The following LAYN variants were observed in gnomAD, a reference collection of about 807,000 sequenced individuals.
The protein encoded by LAYN is layilin.
Under a neutral mutation model 43.6 loss-of-function variants are expected in LAYN, and 38 were observed. That is an observed-to-expected ratio of 0.87 (90% CI 0.67 to 1.14). The LOEUF (loss-of-function observed/expected upper bound fraction) is 1.14. LAYN is among the 50% of genes most tolerant of loss of function. The pLI, the probability that LAYN is intolerant of heterozygous loss-of-function variation, is 0.00. For missense variants in LAYN, 479 were observed against 463.8 expected (o/e 1.03, Z -0.30); for synonymous variants, 168 against 172.9 (o/e 0.97, Z 0.22).
At chr11:111,547,564 T>C (rs748513330) in intron 2 of LAYN, among the ~76,000 whole-genome samples, 3 of 152,196 alleles carry the variant, frequency 2.0e-5, no homozygotes, top group Non-Finnish European at 4.4e-5. Flanking sequence ...AAAGAATGTG[T>C]TCACCGGATC....
chr11:111,558,861 C>T (rs1867892728), intron 6 of LAYN, among the ~76,000 whole-genome samples: 1 of 151,546 alleles, frequency 6.6e-6, no homozygotes, highest in Admixed American at 6.6e-5. Flanking sequence ...AATCTCGGCT[C>T]ACTGCAACCT....
chr11:111,552,976 A>T (rs935586105), intron 3 of LAYN, among the ~76,000 whole-genome samples: 5 of 152,170 alleles, frequency 3.3e-5, no homozygotes, highest in African/African-American at 1.2e-4. Flanking sequence ...GATTTGGGCA[A>T]GTTACTTAAT....
upstream of LAYN, chr11:111,540,460 A>C (rs972946387): frequency 3.5e-6 from 1 of 283,504 alleles, no homozygotes; most frequent in Admixed American, 5.8e-5. Flanking sequence ...TCGTTATCAG[A>C]TTGCCTAGGG....
intron 1 of LAYN, 21 bp from the exon 2 acceptor site, chr11:111,543,902 A>C (rs201747451): frequency 6.3e-7 from 1 of 1,590,214 alleles, no homozygotes; most frequent in African/African-American, 1.4e-5. Flanking sequence ...ACTGAAATAG[A>C]TTGGCTTCTT....
In LAYN at chr11:111,540,810, G is replaced by C. The variant is rs369547619; in HGVS notation, c.-34G>C. The C allele has an allele frequency of 2.6e-6, 4 of 1,512,182 alleles. No homozygotes were observed. Among genetic ancestry groups the C allele is most frequent in the Non-Finnish European group, 3.5e-6 (4 of 1,136,984 alleles). 93.7% of individuals were successfully genotyped at this position (1,512,182 alleles called of 1,614,324 possible). On this transcript the variant is annotated 5_prime_UTR_variant, in exon 1 of 7. Transcript: ENST00000375614. ...CGCCAGCCCGCTCCACCGCCGTAGCGCCCGAGTGTCGGGGGGCGCACCCGA... is the reference window on the plus strand; with the variant it reads ...CGCCAGCCCGCTCCACCGCCGTAGCCCCCGAGTGTCGGGGGGCGCACCCGA...
At chr11:111,541,422 T>C (rs1867536257) in intron 1 of LAYN, 1 of 753,764 alleles carries the variant, frequency 1.3e-6, no homozygotes, top group South Asian at 1.5e-5. Context: ...TCGTCTCTTC[T>C]GCGGGGTTGG....
At chr11:111,545,055 AATAT>A (rs36063658) in intron 2 of LAYN, among the ~76,000 whole-genome samples, 3 of 82,464 alleles carry the variant, frequency 3.6e-5, no homozygotes, top group African/African-American at 6.4e-5. Flanking sequence ...AAATTTAACA[AATAT>A]ATATATATAT....
intron 2 of LAYN, 143 bp downstream of exon 2, chr11:111,544,363 T>C (rs1867609478): frequency 1.3e-5 from 11 of 822,734 alleles, no homozygotes; most frequent in South Asian, 1.1e-4. Context: ...GAATAGCTGC[T>C]GACCTAAGCA....
At chr11:111,555,331 T>C (rs748911069) in intron 5 of LAYN, 41 bp downstream of exon 5, 27 of 1,386,784 alleles carry the variant, frequency 1.9e-5, no homozygotes, top group African/African-American at 2.9e-5. Flanking sequence ...ATAATCAGGC[T>C]CCCTTGATTA....
At chr11:111,551,116 T>C (rs1397117389) in intron 3 of LAYN, among the ~76,000 whole-genome samples, 1 of 152,088 alleles carries the variant, frequency 6.6e-6, no homozygotes, top group Non-Finnish European at 1.5e-5. Flanking sequence ...GGAACTGTTA[T>C]GTCCAGGCCT....
chr11:111,557,026 C>T (rs1043075838), intron 5 of LAYN, among the ~76,000 whole-genome samples: 16 of 152,136 alleles, frequency 1.1e-4, no homozygotes, highest in Non-Finnish European at 2.4e-4. Flanking sequence ...GGTAATGACA[C>T]TGAAACTTCT....
chr11:111,540,826 G>T lies in LAYN; in HGVS notation c.-18G>T, dbSNP rs757556909. On this transcript the variant is annotated 5_prime_UTR_variant, in exon 1 of 7. Transcript: ENST00000375614. ...CGCCGTAGCGCCCGAGTGTCGGGGG[G>T]CGCACCCGAGTCGGGCCATGAGGCC... is the stretch of plus-strand genomic sequence containing the variant. 13 of 1,520,588 alleles carry T rather than the reference G, an allele frequency of 8.5e-6. No individual in the cohort carries two copies. The South Asian group carries it at 1.6e-4, about 18-fold the overall frequency. 94.2% of individuals were successfully genotyped at this position (1,520,588 alleles called of 1,614,324 possible).
In LAYN at chr11:111,560,288, A is replaced by C; in HGVS notation, c.955A>C (p.Met319Leu). The change falls in exon 7 of 7, where the codon ATG (methionine) becomes CTG (leucine). Residue 319 changes from methionine to leucine, a missense_variant. By Grantham distance (15) the Met-to-Leu change is conservative. Coordinates refer to ENST00000375614, the MANE Select transcript of LAYN (RefSeq NM_178834.5). ...TTCGGGAGAAGCCACTCCCGATGACATGTCTTGTGACTATGACAACATGGC... is the reference window on the plus strand; with the variant it reads ...TTCGGGAGAAGCCACTCCCGATGACCTGTCTTGTGACTATGACAACATGGC... ...VCSGEATPDD[M>L]SCDYDNMAVN... The C allele has an allele frequency of 6.2e-7, 1 of 1,614,222 alleles. No homozygotes were observed. Among genetic ancestry groups the C allele is most frequent in the East Asian group, 2.2e-5 (1 of 44,886 alleles).
chr11:111,540,633 C>A (rs1005823958), upstream of LAYN: 1 of 512,678 alleles, frequency 2.0e-6, no homozygotes, highest in Non-Finnish European at 3.4e-6. Flanking sequence ...CGGGGGCGGG[C>A]CAGCCAGCGG....
chr11:111,540,499 G>C, upstream of LAYN: 1 of 378,586 alleles, frequency 2.6e-6, no homozygotes, highest in Non-Finnish European at 4.8e-6. Flanking sequence ...TCCGCCCAGC[G>C]CCTCGGGCAA....
At chr11:111,547,399 G>A (rs1867666842) in intron 2 of LAYN, among the ~76,000 whole-genome samples, 1 of 152,190 alleles carries the variant, frequency 6.6e-6, no homozygotes, top group African/African-American at 2.4e-5. Flanking sequence ...AGGTCAGTGT[G>A]ATTTTCTGCA....
chr11:111,542,686 C>A (rs117895420), intron 1 of LAYN, among the ~76,000 whole-genome samples: 2 of 152,224 alleles, frequency 1.3e-5, no homozygotes, highest in Non-Finnish European at 1.5e-5. Context: ...AGTTCGCACC[C>A]ACAGCCCACA....
chr11:111,548,219 C>T (rs554238860), intron 2 of LAYN, among the ~76,000 whole-genome samples: 1 of 152,264 alleles, frequency 6.6e-6, no homozygotes, highest in Non-Finnish European at 1.5e-5. Flanking sequence ...CTCTTCCCCG[C>T]TGTATGGTTA....
chr11:111,541,161 C>G (rs986508121), intron 1 of LAYN, among the ~76,000 whole-genome samples: 4 of 152,234 alleles, frequency 2.6e-5, no homozygotes, highest in Admixed American at 6.5e-5. Context: ...ACGCTCGAAG[C>G]CCGTTCCCAG....
Sources: gnomAD v4.1 joint callset for allele counts (sites outside exome capture counted in the v4.1 genomes callset) on GRCh38, gnomAD v4.1.1 for gene constraint, MANE v1.5 for transcripts, NCBI Gene and HGNC (gene_info 2026-07-23, HGNC 2026-07-21) for gene names.